The following HYDIN variants were observed in gnomAD, a reference collection of about 807,000 sequenced individuals.
The protein encoded by HYDIN is HYDIN axonemal central pair apparatus protein, also known as axonemal central pair apparatus protein HYDIN.
In HYDIN, 132 loss-of-function variants were observed where a neutral mutation model predicts 403.9. The ratio of observed to expected loss-of-function variants is 0.33; its 90% confidence interval spans 0.28 to 0.38. The LOEUF (loss-of-function observed/expected upper bound fraction) is 0.38. HYDIN is among the 10% of genes least tolerant of loss of function. The pLI, the probability that HYDIN is intolerant of heterozygous loss-of-function variation, is 1.00. For missense variants in HYDIN, 2,827 were observed against 5,009.5 expected, an observed-to-expected ratio of 0.56 and a Z score of 13.15; for synonymous variants, 1,202 against 1,891.7, an observed-to-expected ratio of 0.64 and a Z score of 9.46.
chr16:71,136,877 A>T (rs1597860534), intron 8 of HYDIN, among the ~76,000 whole-genome samples: 1 of 145,380 alleles, frequency 6.9e-6, no homozygotes, highest in South Asian at 2.2e-4. Flanking sequence ...GAAGAATGAT[A>T]GGTTTTGTCT....
chr16:70,897,669 T>C (rs1189693200), intron 53 of HYDIN, among the ~76,000 whole-genome samples: 1 of 149,318 alleles, frequency 6.7e-6, no homozygotes. Context: ...GGAAGGACAA[T>C]TGAAGAGTTA....
chr16:71,028,438 T>A (rs1277987899), intron 19 of HYDIN, among the ~76,000 whole-genome samples: 1 of 152,170 alleles, frequency 6.6e-6, no homozygotes, highest in African/African-American at 2.4e-5. Flanking sequence ...ATTCATTTGT[T>A]CATCATGCAT....
intron 28 of HYDIN, among the ~76,000 whole-genome samples, chr16:70,984,088 A>T (rs536021631): frequency 2.3e-3 from 343 of 152,370 alleles, no homozygotes; most frequent in Non-Finnish European, 3.5e-3. Flanking sequence ...GGGCTGGGCG[A>T]GATGGGGCTC....
chr16:70,945,250 A>G (rs1330982447), intron 41 of HYDIN, among the ~76,000 whole-genome samples: 1 of 152,216 alleles, frequency 6.6e-6, no homozygotes, highest in African/African-American at 2.4e-5. Context: ...AGGACTTCGG[A>G]TGGAACATAA....
chr16:70,824,183 G>GT (rs1296096664), intron 83 of HYDIN, among the ~76,000 whole-genome samples: 1 of 146,960 alleles, frequency 6.8e-6, no homozygotes, highest in East Asian at 2.0e-4. Context: ...ATGTATTACT[G>GT]TAAGGAGACT....
At chr16:70,981,270 T>C in intron 29 of HYDIN, 121 bp downstream of exon 29, 3 of 1,409,568 alleles carry the variant, frequency 2.1e-6, no homozygotes, top group East Asian at 2.5e-5. Flanking sequence ...CAGAATAACG[T>C]GGAAGAGAAC....
intron 1 of HYDIN, among the ~76,000 whole-genome samples, chr16:71,213,953 A>C (rs2088733823): frequency 6.6e-6 from 1 of 152,242 alleles, no homozygotes; most frequent in Non-Finnish European, 1.5e-5. Flanking sequence ...GCTGGAAGAC[A>C]AAAAAGACTC....
At chr16:70,985,130 G>C (rs1336940659) in intron 28 of HYDIN, 55 bp downstream of exon 28, 15 of 1,546,534 alleles carry the variant, frequency 9.7e-6, no homozygotes, top group Non-Finnish European at 1.3e-5. Context: ...ATACTCACCT[G>C]CTTCGGAGTG....
chr16:70,838,599 G>C (rs1365309566), intron 76 of HYDIN, among the ~76,000 whole-genome samples: 1 of 152,096 alleles, frequency 6.6e-6, no homozygotes, highest in Non-Finnish European at 1.5e-5. Flanking sequence ...CAGTAGGGAG[G>C]AGTATATGTT....
In HYDIN at chr16:71,037,339, A is replaced by G. The variant is rs2081123180; in HGVS notation, c.2530-5422T>C. ...AGCTCAAAACAGAAAACAAAGATGGATGCTAAGGAAGCATTTAACATACAA... is the reference window on the plus strand; with the variant it reads ...AGCTCAAAACAGAAAACAAAGATGGGTGCTAAGGAAGCATTTAACATACAA... On this transcript the variant is annotated intron_variant, in intron 18 of 85. Coordinates refer to ENST00000393567, the MANE Select transcript of HYDIN (RefSeq NM_001270974.2). Among the ~76,000 whole-genome samples, 3 of 150,006 alleles carry G rather than the reference A, an allele frequency of 2.0e-5. 1 individual carries two copies. The highest frequency in any genetic ancestry group is 7.3e-5 in the African/African-American group (3 of 40,962).
At chr16:70,875,269 A>T (rs1451174711) in intron 62 of HYDIN, among the ~76,000 whole-genome samples, 1 of 151,214 alleles carries the variant, frequency 6.6e-6, no homozygotes, top group African/African-American at 2.5e-5. Flanking sequence ...ATGCAAATGA[A>T]TACTTGTAAT....
intron 8 of HYDIN, among the ~76,000 whole-genome samples, chr16:71,134,377 G>C (rs910872007): frequency 3.9e-5 from 6 of 152,336 alleles, no homozygotes; most frequent in African/African-American, 1.4e-4. Flanking sequence ...GTTGCTGAAG[G>C]AGGGGGAACA....
At chr16:71,175,172 ACAC>A (rs1015527547) in intron 5 of HYDIN, among the ~76,000 whole-genome samples, 5 of 151,290 alleles carry the variant, frequency 3.3e-5, no homozygotes, top group Non-Finnish European at 4.4e-5. Context: ...ACCACCATCT[ACAC>A]CACCACCACC....
Position 70,818,452 on chromosome 16 carries a change from CT to C in HYDIN, c.14547del (p.Ala4850ProfsTer13). The C allele has an allele frequency of 6.2e-7, 1 of 1,601,542 alleles. No individual in the cohort carries two copies. Among genetic ancestry groups the C allele is most frequent in the Non-Finnish European group, 8.5e-7 (1 of 1,172,636 alleles). Reference sequence around the variant, plus strand: ...AGAGGGTTCTCCAACTTGATGGAGGCTGACGCAACTTGCCGGACTGGGGTCA... The same window carrying C: ...AGAGGGTTCTCCAACTTGATGGAGGCGACGCAACTTGCCGGACTGGGGTCA... ...EMVTPVRQVA[S>X]ASIKLENPLP... On this transcript the variant is annotated frameshift_variant, in exon 84 of 86. Transcript: ENST00000393567. LOFTEE classifies it high-confidence loss of function.
At chr16:70,905,641 A>G (rs1007978806) in intron 50 of HYDIN, among the ~76,000 whole-genome samples, 21 of 149,972 alleles carry the variant, frequency 1.4e-4, no homozygotes, top group African/African-American at 4.7e-4. Flanking sequence ...TTAAAAAAAA[A>G]AAAAAAAAAA....
At chr16:70,902,821 A>ATATATATATATATATATT in intron 52 of HYDIN, among the ~76,000 whole-genome samples, 1 of 47,318 alleles carries the variant, frequency 2.1e-5, no homozygotes, top group Non-Finnish European at 3.6e-5. Context: ...ATATATATAT[A>ATATATATATATATATATT]TTTTTTTTTT....
intron 37 of HYDIN, among the ~76,000 whole-genome samples, chr16:70,963,950 A>C (rs540095592): frequency 1.4e-5 from 2 of 145,698 alleles, no homozygotes; most frequent in Non-Finnish European, 3.0e-5. Flanking sequence ...GAAGAAAATA[A>C]TTACGTGTAT....
intron 24 of HYDIN, 152 bp downstream of exon 24, chr16:70,991,918 G>A (rs934517535): frequency 1.6e-5 from 22 of 1,341,526 alleles, no homozygotes; most frequent in Admixed American, 2.6e-5. Flanking sequence ...TATCCCAGAT[G>A]TCTAGTCTGG....
intron 49 of HYDIN, 118 bp downstream of exon 49, chr16:70,908,134 A>C (rs558380430): frequency 1.3e-6 from 1 of 747,776 alleles, no homozygotes; most frequent in African/African-American, 1.8e-5. Flanking sequence ...ATATGACAAG[A>C]GGGGCTGGGG....
Sources: allele counts gnomAD v4.1 joint callset (sites outside exome capture counted in the v4.1 genomes callset), GRCh38; gene constraint gnomAD v4.1.1; transcripts MANE v1.5; gene names NCBI Gene and HGNC (gene_info 2026-07-23, HGNC 2026-07-21).